The following ZNF521 variants were observed in gnomAD, a reference collection of about 807,000 sequenced individuals.
ZNF521 encodes LYST-interacting protein 3.
ZNF521 carries 14 observed loss-of-function variants against 105.5 expected under a neutral mutation model. That is an observed-to-expected ratio of 0.13 (90% CI 0.09 to 0.21). ZNF521 has a LOEUF of 0.21. ZNF521 is among the 10% of genes least tolerant of loss of function. ZNF521 has a pLI of 1.00. For synonymous variants in ZNF521, 635 were observed against 606.0 expected, an observed-to-expected ratio of 1.05 and a Z score of -0.70; for missense variants, 1,233 against 1,629.7, an observed-to-expected ratio of 0.76 and a Z score of 4.19.
chr18:25,182,171 T>C (rs2035642810), intron 5 of ZNF521, among the ~76,000 whole-genome samples: 1 of 152,148 alleles, frequency 6.6e-6, no homozygotes, highest in South Asian at 2.1e-4. Flanking sequence ...CTTTCAAAAA[T>C]AGCCTAAGTG....
At chr18:25,234,112 G>A (rs1427250344) in intron 3 of ZNF521, among the ~76,000 whole-genome samples, 5 of 152,136 alleles carry the variant, frequency 3.3e-5, no homozygotes, top group Admixed American at 3.3e-4. Flanking sequence ...CAATTATGTG[G>A]GGGGTGAGAA....
At position 25,079,661 on chromosome 18, in the gene ZNF521, C is replaced by G. The variant is rs1455580252; in HGVS notation, c.3906+9804G>C. On this transcript the variant is annotated intron_variant, in intron 7 of 7. Coordinates refer to ENST00000361524, the MANE Select transcript of ZNF521 (RefSeq NM_015461.3). Reference sequence around the variant, plus strand: ...AGAGAAGACAGCTAGGAAGTGAGCGCACAGATGGTGGGGGGGACGCAGGGT... The same window carrying G: ...AGAGAAGACAGCTAGGAAGTGAGCGGACAGATGGTGGGGGGGACGCAGGGT... Among the ~76,000 whole-genome samples the G allele has an allele frequency of 2.1e-5, 3 of 143,116 alleles. No homozygotes were observed. In the East Asian group the frequency reaches 5.8e-4, roughly 28 times the overall value. 93.9% of individuals were successfully genotyped at this position (143,116 alleles called of 152,430 possible).
intron 5 of ZNF521, among the ~76,000 whole-genome samples, chr18:25,137,430 C>T (rs1047767525): frequency 1.3e-5 from 2 of 152,108 alleles, no homozygotes; most frequent in Admixed American, 1.3e-4. Flanking sequence ...TTGGCGGATT[C>T]CTCTGACAGT....
chr18:25,201,792 A>G (rs1398490330), intron 4 of ZNF521: 2 of 152,130 alleles, frequency 1.3e-5, no homozygotes, highest in Admixed American at 1.3e-4. Flanking sequence ...TGTAATACTA[A>G]CTTGCTGTAT....
chr18:25,340,310 G>A (rs1366963528), intron 2 of ZNF521, among the ~76,000 whole-genome samples: 1 of 152,076 alleles, frequency 6.6e-6, no homozygotes, highest in Non-Finnish European at 1.5e-5. Flanking sequence ...AGCCAAGATA[G>A]CACCACTACA....
intron 3 of ZNF521, among the ~76,000 whole-genome samples, chr18:25,258,555 G>A (rs979786140): frequency 5.3e-5 from 8 of 152,178 alleles, no homozygotes; most frequent in East Asian, 1.9e-4. Context: ...CCCAAGAAAT[G>A]TGTCGGAAGC....
intron 5 of ZNF521, among the ~76,000 whole-genome samples, chr18:25,117,789 T>C (rs576717703): frequency 6.6e-6 from 1 of 152,070 alleles, no homozygotes; most frequent in Admixed American, 6.5e-5. Context: ...GTAACTGTAG[T>C]TTTAATGTGA....
intron 3 of ZNF521, among the ~76,000 whole-genome samples, chr18:25,233,102 G>A (rs891684865): frequency 1.3e-5 from 2 of 152,116 alleles, no homozygotes; most frequent in African/African-American, 4.8e-5. Flanking sequence ...CAGGTAACAA[G>A]GGTACTTGAC....
intron 5 of ZNF521, among the ~76,000 whole-genome samples, chr18:25,151,187 G>T (rs1017580160): frequency 6.6e-6 from 1 of 152,110 alleles, no homozygotes; most frequent in African/African-American, 2.4e-5. Flanking sequence ...TGGAAACAGG[G>T]TCTCTGAGGA....
chr18:25,142,423 T>C (rs928523570), intron 5 of ZNF521, among the ~76,000 whole-genome samples: 3 of 152,292 alleles, frequency 2.0e-5, no homozygotes, highest in South Asian at 4.1e-4. Flanking sequence ...ACAAAACTGA[T>C]TGAAATAACA....
At chr18:25,121,109 G>GTTTT (rs371446396) in intron 5 of ZNF521, among the ~76,000 whole-genome samples, 1 of 56,540 alleles carries the variant, frequency 1.8e-5, no homozygotes, top group Non-Finnish European at 4.0e-5. Flanking sequence ...GGAAGAAGGA[G>GTTTT]TATTTTTTTT....
At chr18:25,113,989 C>CTTTTTTT (rs67508928) in intron 5 of ZNF521, among the ~76,000 whole-genome samples, 1 of 150,152 alleles carries the variant, frequency 6.7e-6, no homozygotes. Context: ...ATAAAAAAGC[C>CTTTTTTT]TTTTTTTTTT....
chr18:25,283,922 T>TC (rs78019673), intron 3 of ZNF521, among the ~76,000 whole-genome samples: 5,271 of 97,044 alleles, frequency 0.054, 116 homozygotes, highest in Middle Eastern at 0.1. Context: ...GCCAATACTT[T>TC]CCCCCCCCCC....
At chr18:25,132,951 A>G (rs148138676) in intron 5 of ZNF521, among the ~76,000 whole-genome samples, 32 of 152,292 alleles carry the variant, frequency 2.1e-4, no homozygotes, top group African/African-American at 7.7e-4. Flanking sequence ...AGTGGAACCT[A>G]TTCAACAGCA....
chr18:25,217,598 C>T (rs1555648491), intron 4 of ZNF521, among the ~76,000 whole-genome samples: 2 of 152,102 alleles, frequency 1.3e-5, no homozygotes, highest in Non-Finnish European at 2.9e-5. Context: ...ATTTGTCCTG[C>T]AAAAATAAGA....
chr18:25,067,983 A>T (rs2033114541), intron 7 of ZNF521, among the ~76,000 whole-genome samples: 1 of 152,242 alleles, frequency 6.6e-6, no homozygotes, highest in South Asian at 2.1e-4. Context: ...TTTTGTTTCA[A>T]ACAAATTCTG....
In ZNF521 at chr18:25,352,020, C is replaced by CT; in HGVS notation, c.-18dup. 2.1e-6 allele frequency: 1 copy of CT among 473,340 alleles called. No homozygotes were observed. The highest frequency in any genetic ancestry group is 1.5e-5 in the South Asian group (1 of 65,910). 29.3% of individuals were successfully genotyped at this position (473,340 alleles called of 1,614,324 possible). On this transcript the variant is annotated 5_prime_UTR_variant, in exon 1 of 8. Coordinates refer to ENST00000361524, the MANE Select transcript of ZNF521 (RefSeq NM_015461.3). ...CATCACAAACCTGCAAGGTCTTGGA[C>CT]TGCGCTGTCGCTCCGGTAGTCCACA...
chr18:25,116,092 G>T (rs1021074634), intron 5 of ZNF521, among the ~76,000 whole-genome samples: 1 of 152,152 alleles, frequency 6.6e-6, no homozygotes, highest in Non-Finnish European at 1.5e-5. Flanking sequence ...TGACTGAAGC[G>T]ATCTGTTGTG....
At chr18:25,130,923 A>T (rs1350595327) in intron 5 of ZNF521, among the ~76,000 whole-genome samples, 3 of 151,714 alleles carry the variant, frequency 2.0e-5, no homozygotes, top group African/African-American at 7.3e-5. Flanking sequence ...AGCCTGGGTG[A>T]AAGAATGAGA....
Sources: allele counts gnomAD v4.1 joint callset (sites outside exome capture counted in the v4.1 genomes callset), GRCh38; gene constraint gnomAD v4.1.1; transcripts MANE v1.5; gene names NCBI Gene and HGNC (gene_info 2026-07-23, HGNC 2026-07-21).